TMED1: variants seen among roughly 807,000 people sequenced by gnomAD.
TMED1 encodes transmembrane p24 trafficking protein 1.
A neutral mutation model predicts 21.2 loss-of-function variants in TMED1; 20 were observed. The observed-to-expected ratio is 0.95, with a 90% CI of 0.67 to 1.37. The LOEUF is 1.37. Among genes scored for constraint, TMED1 ranks in the 40% most tolerant of loss-of-function variants. The pLI, the probability that TMED1 is intolerant of heterozygous loss-of-function variation, is 0.00. For missense variants in TMED1, 316 were observed against 309.8 expected (o/e 1.02, Z -0.15); for synonymous variants, 149 against 134.7 (o/e 1.11, Z -0.74).
chr19:10,832,222 C>CT lies in TMED1; in HGVS notation c.*772dup. On this transcript the variant is annotated 3_prime_UTR_variant, in exon 4 of 4. Coordinates refer to ENST00000214869, the MANE Select transcript of TMED1 (RefSeq NM_006858.4). ...CTTCCTACCCTCAGGCCCTGCTTCT[C>CT]TCACCTCGTGGGGAAGCCCAAGCCT... 1.6e-6 allele frequency: 2 copies of CT among 1,213,762 alleles called. No homozygotes were observed. Among genetic ancestry groups the CT allele is most frequent in the South Asian group, 2.5e-5 (2 of 79,402 alleles). 75.2% of individuals were successfully genotyped at this position (1,213,762 alleles called of 1,614,324 possible). A position where few individuals can be genotyped will look rare whatever the true frequency, so the allele number is the denominator to read the frequency against.
intron 3 of TMED1, among the ~76,000 whole-genome samples, chr19:10,834,298 C>T (rs2073397721): frequency 6.6e-6 from 1 of 152,140 alleles, no homozygotes; most frequent in Non-Finnish European, 1.5e-5. Context: ...GTGAGTTGCT[C>T]AGCCATCTTG....
At chr19:10,835,624 T>C in intron 1 of TMED1, 3 of 1,407,802 alleles carry the variant, frequency 2.1e-6, no homozygotes, top group Non-Finnish European at 2.8e-6. Context: ...CCTGGTTGGC[T>C]CCGCCTCCGA....
rs985442406 is a variant in TMED1 at position 10,832,495 on chromosome 19, T to C, written c.*500A>G. The C allele has an allele frequency of 1.0e-5, 7 of 688,446 alleles. No individual in the cohort carries two copies. The highest frequency in any genetic ancestry group is 6.1e-5 in the East Asian group (1 of 16,274). The allele number at this position is 688,446 out of a possible 1,614,324, so 42.6% of individuals were successfully genotyped here. On this transcript the variant is annotated 3_prime_UTR_variant, in exon 4 of 4. Transcript: ENST00000214869. ...GCCCAGGCCACACCACCCTTTGTTA[T>C]AGGAGGCTTCTGCCTAGACTTTGGC...
At chr19:10,833,385 G>A (rs746378088) in intron 3 of TMED1, 172 bp from the exon 4 acceptor site, 194 of 611,818 alleles carry the variant, frequency 3.2e-4, no homozygotes, top group Admixed American at 9.2e-4. Context: ...CACTGGCTGT[G>A]ACCATGAGCA....
At position 10,832,238 on chromosome 19, in the gene TMED1, GCCCAAGCCTCGTGGC is replaced by G. The variant is rs2073365134; in HGVS notation, c.*742_*756del. 5 of 1,266,404 alleles carry G rather than the reference GCCCAAGCCTCGTGGC, an allele frequency of 3.9e-6. No individual in the cohort carries two copies. The highest frequency in any genetic ancestry group is 5.2e-6 in the Non-Finnish European group (5 of 967,686). The allele number at this position is 1,266,404 out of a possible 1,614,324, so 78.4% of individuals were successfully genotyped here. On this transcript the variant is annotated 3_prime_UTR_variant, in exon 4 of 4. Transcript: ENST00000214869. Reference sequence around the variant, plus strand: ...CCTGCTTCTCTCACCTCGTGGGGAAGCCCAAGCCTCGTGGCCCAACTGGGGCTCAGTTAAACTTTG... The same window carrying G: ...CCTGCTTCTCTCACCTCGTGGGGAAGCCAACTGGGGCTCAGTTAAACTTTG...
In TMED1 at chr19:10,836,024, G is replaced by A. The variant is rs1445189607; in HGVS notation, c.168C>T (p.Leu56=). 1.3e-6 allele frequency: 2 copies of A among 1,595,000 alleles called. No homozygotes were observed. The highest frequency in any genetic ancestry group is 1.7e-6 in the Non-Finnish European group (2 of 1,171,524). Residue 56 remains leucine, a synonymous_variant, in exon 1 of 4, where the codon CTC becomes CTT. Transcript: ENST00000214869. ...FYQSAPANAS[L]ETEYQVIGGA... ...GACCCTCTACCTGGTATTCGGTCTC[G>A]AGGCTTGCGTTGGCCGGCGCGGACT...
chr19:10,833,287 G>GA (rs2073383639), intron 3 of TMED1, 74 bp from the exon 4 acceptor site: 1 of 1,260,598 alleles, frequency 7.9e-7, no homozygotes, highest in Non-Finnish European at 1.1e-6. Flanking sequence ...AAAACCGGGG[G>GA]ATACGGAGGG....
At position 10,832,423 on chromosome 19, in the gene TMED1, A is replaced by T; in HGVS notation, c.*572T>A. ...TCCTGGCTGGTGTCCCTGAGCCCCA[A>T]TCAGCAGGCTCTTGTGATTTTCTGA... On this transcript the variant is annotated 3_prime_UTR_variant, in exon 4 of 4. Transcript: ENST00000214869. 8.6e-7 allele frequency: 1 copy of T among 1,159,018 alleles called. No homozygotes were observed. Among genetic ancestry groups the T allele is most frequent in the Non-Finnish European group, 1.1e-6 (1 of 872,550 alleles). 71.8% of individuals were successfully genotyped at this position (1,159,018 alleles called of 1,614,324 possible). A position where few individuals can be genotyped will look rare whatever the true frequency, so the allele number is the denominator to read the frequency against.
At chr19:10,833,928 G>A (rs571837786) in intron 3 of TMED1, among the ~76,000 whole-genome samples, 5 of 152,174 alleles carry the variant, frequency 3.3e-5, no homozygotes, top group African/African-American at 9.6e-5. Context: ...CCAGAGCTTT[G>A]GGAAGCCAAG....
In TMED1 at chr19:10,836,115, G is replaced by T. The variant is rs1568329516; in HGVS notation, c.77C>A (p.Pro26His). 1.9e-6 allele frequency: 3 copies of T among 1,580,924 alleles called. No individual in the cohort carries two copies. Among genetic ancestry groups the T allele is most frequent in the Non-Finnish European group, 2.6e-6 (3 of 1,164,790 alleles). ...GAACTCACCGTCCTGGATTGGCGGGGGCCCCGCCCCTCCCACCTCCACTGG... is the reference window on the plus strand; with the variant it reads ...GAACTCACCGTCCTGGATTGGCGGGTGCCCCGCCCCTCCCACCTCCACTGG... Reference protein sequence around the residue: ...MPPVEVGGAGPPPIQDGEFTF... With the variant: ...MPPVEVGGAGHPPIQDGEFTF... Residue 26 changes from proline (P) to histidine (H), a missense_variant, in exon 1 of 4, where the codon CCC (proline) becomes CAC (histidine). By Grantham distance (77) the Pro-to-His change is moderately conservative. Coordinates refer to ENST00000214869, the MANE Select transcript of TMED1 (RefSeq NM_006858.4).
intron 3 of TMED1, among the ~76,000 whole-genome samples, chr19:10,833,785 C>T (rs192883148): frequency 2.0e-5 from 3 of 152,122 alleles, no homozygotes; most frequent in African/African-American, 7.2e-5. Context: ...GGTGCACACC[C>T]GTAGTCCCAC....
Position 10,832,181 on chromosome 19 carries a change from C to T in TMED1, c.*814G>A. On this transcript the variant is annotated 3_prime_UTR_variant, in exon 4 of 4. Coordinates refer to ENST00000214869, the MANE Select transcript of TMED1 (RefSeq NM_006858.4). ...GGCTGCTGCCTGGTGAAGCGGGGAC[C>T]CCAGCGCTCCACCCCCTTCCTACCC... is the stretch of plus-strand genomic sequence containing the variant. 2.3e-6 allele frequency: 2 copies of T among 859,830 alleles called. No homozygotes were observed. The highest frequency in any genetic ancestry group is 3.3e-6 in the Non-Finnish European group (2 of 602,224). 53.3% of individuals were successfully genotyped at this position (859,830 alleles called of 1,614,324 possible). A position where few individuals can be genotyped will look rare whatever the true frequency, so the allele number is the denominator to read the frequency against.
At chr19:10,835,937 C>A (rs1026136249) in intron 1 of TMED1, 72 bp downstream of exon 1, 4 of 1,484,202 alleles carry the variant, frequency 2.7e-6, no homozygotes, top group South Asian at 2.6e-5. Flanking sequence ...TCCTAAAGCG[C>A]GCCTCGCCTC....
Position 10,835,315 on chromosome 19 carries a change from C to T in TMED1, c.222G>A (p.Leu74=), listed in dbSNP as rs891683779. Residue 74 remains leucine, a synonymous_variant, in exon 2 of 4, where the codon CTG becomes CTA. Transcript: ENST00000214869. The stretch of plus-strand genomic sequence containing the variant: ...CCAACAGCACGCCCTGAGGGCTCTC[C>T]AGCGTGAAGTCCACGTCCAGTCCAG... The part of the protein sequence containing the change: ...GGAGLDVDFT[L]ESPQGVLLVS... 9.3e-6 allele frequency: 15 copies of T among 1,613,776 alleles called. No individual in the cohort carries two copies. In the African/African-American group the frequency reaches 2.0e-4, roughly 22 times the overall value.
intron 1 of TMED1, 78 bp downstream of exon 1, chr19:10,835,931 A>C: frequency 6.8e-7 from 1 of 1,477,036 alleles, no homozygotes; most frequent in Admixed American, 2.4e-5. Context: ...CCTTCCTCCT[A>C]AAGCGCGCCT....
In TMED1 at chr19:10,832,179, A is replaced by G; in HGVS notation, c.*816T>C. On this transcript the variant is annotated 3_prime_UTR_variant, in exon 4 of 4. Coordinates refer to ENST00000214869, the MANE Select transcript of TMED1 (RefSeq NM_006858.4). ...CTGGCTGCTGCCTGGTGAAGCGGGG[A>G]CCCCAGCGCTCCACCCCCTTCCTAC... 1.2e-6 allele frequency: 1 copy of G among 817,780 alleles called. No individual in the cohort carries two copies. The allele number at this position is 817,780 out of a possible 1,614,324, so 50.7% of individuals were successfully genotyped here.
At chr19:10,834,870 G>T (rs566334254) in intron 3 of TMED1, 64 bp downstream of exon 3, 1 of 1,559,624 alleles carries the variant, frequency 6.4e-7, no homozygotes, top group Admixed American at 1.8e-5. Flanking sequence ...GTCAGCCCAA[G>T]GGGGGCACCC....
At position 10,836,172 on chromosome 19, in the gene TMED1, G is replaced by C. The variant is rs1489512609; in HGVS notation, c.20C>G (p.Ala7Gly). 6.4e-7 allele frequency: 1 copy of C among 1,553,710 alleles called. No individual in the cohort carries two copies. Among genetic ancestry groups the C allele is most frequent in the African/African-American group, 1.4e-5 (1 of 73,422 alleles). ...TAGTAGCCACAAGGCCAGGGCTAGG[G>C]CCGCGCCGGCCGCCATCATCCGGGT... MMAAGA[A>G]LALALWLLMP... The change falls in exon 1 of 4, where the codon GCC becomes GGC. Residue 7 changes from alanine (A) to glycine (G), a missense_variant. Physicochemically the swap from Ala to Gly is moderately conservative, Grantham distance 60. Coordinates refer to ENST00000214869, the MANE Select transcript of TMED1 (RefSeq NM_006858.4).
At chr19:10,835,823 C>T (rs1009770377) in intron 1 of TMED1, 186 bp downstream of exon 1, 2 of 982,600 alleles carry the variant, frequency 2.0e-6, no homozygotes, top group African/African-American at 1.8e-5. Context: ...CCGCCTGCTT[C>T]ATTACTCCCT....
Sources: allele counts gnomAD v4.1 joint callset (sites outside exome capture counted in the v4.1 genomes callset), GRCh38; gene constraint gnomAD v4.1.1; transcripts MANE v1.5; gene names NCBI Gene and HGNC (gene_info 2026-07-23, HGNC 2026-07-21).